The following FYB1 variants were observed in gnomAD, a reference collection of about 807,000 sequenced individuals.
FYB1 encodes the protein FYN binding protein 1.
Under a neutral mutation model 94.1 loss-of-function variants are expected in FYB1, and 41 were observed. The ratio of observed to expected loss-of-function variants is 0.44; its 90% CI spans 0.34 to 0.57. The LOEUF (loss-of-function observed/expected upper bound fraction) is 0.57, where lower values mean the gene tolerates loss of function less well. FYB1 is among the 20% of genes least tolerant of loss of function. The pLI, the probability that FYB1 is intolerant of heterozygous loss-of-function variation, is 0.02. For missense variants in FYB1, 1,050 were observed against 976.8 expected (o/e 1.07, Z -1.00); for synonymous variants, 367 against 353.2 (o/e 1.04, Z -0.44).
chr5:39,204,464 C>T (rs1345133185), intron 1 of FYB1, among the ~76,000 whole-genome samples: 1 of 152,110 alleles, frequency 6.6e-6, no homozygotes, highest in African/African-American at 2.4e-5. Flanking sequence ...GTCTGGTGTA[C>T]AATATGGGTT....
intron 1 of FYB1, chr5:39,209,087 T>C (rs1749122450): frequency 6.6e-6 from 1 of 151,896 alleles, no homozygotes; most frequent in Admixed American, 6.6e-5. Flanking sequence ...TTAAAGAGAC[T>C]TGATCTGTTG....
chr5:39,131,983 A>G lies in FYB1; in HGVS notation c.1818-1371T>C, dbSNP rs576869003. Among the ~76,000 whole-genome samples the G allele has an allele frequency of 3.9e-5, 6 of 152,344 alleles. No homozygotes were observed. The East Asian group carries it at 1.2e-3, about 29-fold the overall frequency. On this transcript the variant is annotated intron_variant, in intron 9 of 18. Transcript: ENST00000512982. ...ATGTGACAGGAGACGAGAGGGAGAG[A>G]GAGAGATACATGGAAGGAAGAAGGT...
chr5:39,231,895 G>A (rs1579746414), intron 1 of FYB1, among the ~76,000 whole-genome samples: 1 of 152,018 alleles, frequency 6.6e-6, no homozygotes, highest in Non-Finnish European at 1.5e-5. Context: ...CTTTGAAGGG[G>A]TTTCTAGGTA....
At chr5:39,211,360 G>A (rs1451265380) in intron 1 of FYB1, among the ~76,000 whole-genome samples, 1 of 138,704 alleles carries the variant, frequency 7.2e-6, no homozygotes. Flanking sequence ...TCGCTCTGTC[G>A]CCCAGGCTGC....
Position 39,178,984 on chromosome 5 carries a change from A to G in FYB1, c.1135+22842T>C, listed in dbSNP as rs78926398. Among the ~76,000 whole-genome samples the G allele has an allele frequency of 1.5e-3, 225 of 152,336 alleles. 1 individual carries two copies. Among genetic ancestry groups the G allele is most frequent in the East Asian group, 0.014 (73 of 5,186 alleles). ...CGCGGGCTGGGGCACAGAAGAGTCC[A>G]TACGTAGTTTTGCATGTAAATGTCG... On this transcript the variant is annotated intron_variant, in intron 2 of 18. Coordinates refer to ENST00000512982, the MANE Select transcript of FYB1 (RefSeq NM_001465.6).
At chr5:39,115,861 A>C (rs1057269578) in intron 16 of FYB1, among the ~76,000 whole-genome samples, 1 of 152,162 alleles carries the variant, frequency 6.6e-6, no homozygotes. Flanking sequence ...TCTCCCTTAC[A>C]CCCGCATCCT....
chr5:39,141,593 C>A lies in FYB1; in HGVS notation c.1293-452G>T, dbSNP rs188991320. On this transcript the variant is annotated intron_variant, in intron 3 of 18. Transcript: ENST00000512982. The stretch of plus-strand genomic sequence containing the variant: ...TCACTTGAAGTCAGGAGTTCCAGAC[C>A]AGCCTGGGCAACAGGGCAAAACACC... Among the ~76,000 whole-genome samples, 182 of 152,240 alleles carry A rather than the reference C, an allele frequency of 1.2e-3. 6 individuals carry two copies. Among genetic ancestry groups the A allele is most frequent in the Admixed American group, 0.011 (165 of 15,294 alleles).
chr5:39,229,544 A>G (rs1390720072), intron 1 of FYB1, among the ~76,000 whole-genome samples: 1 of 152,146 alleles, frequency 6.6e-6, no homozygotes, highest in African/African-American at 2.4e-5. Context: ...CACTTTTGAC[A>G]TTTATGTCTG....
At chr5:39,177,995 C>G (rs1484280626) in intron 2 of FYB1, among the ~76,000 whole-genome samples, 1 of 152,190 alleles carries the variant, frequency 6.6e-6, no homozygotes, top group African/African-American at 2.4e-5. Flanking sequence ...TTCCTGCAAA[C>G]ACAAAATATT....
Position 39,231,047 on chromosome 5 carries a change from G to A in FYB1, c.-27-28060C>T, listed in dbSNP as rs539050738. On this transcript the variant is annotated intron_variant, in intron 1 of 1. Coordinates refer to the FYB1 transcript ENST00000510188. ...TGATATTAATATTGATTAGAACAAGGAGGAAGAAATAAAGATAATGAGCAG... is the reference window on the plus strand; with the variant it reads ...TGATATTAATATTGATTAGAACAAGAAGGAAGAAATAAAGATAATGAGCAG... Among the ~76,000 whole-genome samples the A allele has an allele frequency of 1.9e-4, 28 of 149,268 alleles. 1 individual carries two copies. In the South Asian group the frequency reaches 5.5e-3, roughly 30 times the overall value.
chr5:39,248,405 G>A (rs776802357), intron 1 of FYB1, among the ~76,000 whole-genome samples: 1 of 152,132 alleles, frequency 6.6e-6, no homozygotes, highest in Non-Finnish European at 1.5e-5. Context: ...GCTTGACTGG[G>A]ACAACAGGCT....
chr5:39,268,278 A>T (rs1278895009), intron 1 of FYB1, among the ~76,000 whole-genome samples: 1 of 141,714 alleles, frequency 7.1e-6, no homozygotes, highest in Non-Finnish European at 1.5e-5. Context: ...CCTGGGTTGG[A>T]GTGTGGTGAC....
At chr5:39,269,540 T>A (rs925375709) in intron 1 of FYB1, 5 of 152,552 alleles carry the variant, frequency 3.3e-5, no homozygotes, top group Admixed American at 2.6e-4. Context: ...ACGCTATCAC[T>A]CTTCCTTCTT....
In FYB1 at chr5:39,144,295, A is replaced by G. The variant is rs1580376346; in HGVS notation, c.1293-3154T>C. The stretch of plus-strand genomic sequence containing the variant: ...TTCCCGATAAAAGAATACACCAAAA[A>G]ATAAAAGAACTACATTTGATCCAGC... On this transcript the variant is annotated intron_variant, in intron 3 of 18. Coordinates refer to ENST00000512982, the MANE Select transcript of FYB1 (RefSeq NM_001465.6). Among the ~76,000 whole-genome samples the G allele has an allele frequency of 2.0e-5, 3 of 152,144 alleles. No homozygotes were observed. The South Asian group carries it at 6.2e-4, about 31-fold the overall frequency.
intron 1 of FYB1, among the ~76,000 whole-genome samples, chr5:39,231,163 A>AAAAAAAAAAAAAAAAC (rs1561294075): frequency 8.4e-6 from 1 of 118,958 alleles, no homozygotes; most frequent in Admixed American, 7.9e-5. Context: ...AAAAAAAAAC[A>AAAAAAAAAAAAAAAAC]AAAAAAAACA....
At chr5:39,266,200 A>ATAT (rs1197065048) in intron 1 of FYB1, among the ~76,000 whole-genome samples, 1 of 152,208 alleles carries the variant, frequency 6.6e-6, no homozygotes, top group African/African-American at 2.4e-5. Context: ...CCACAGGGGC[A>ATAT]GATAAAGTAG....
intron 12 of FYB1, 45 bp from the exon 13 acceptor site, chr5:39,124,323 C>T: frequency 7.1e-7 from 1 of 1,403,240 alleles, no homozygotes; most frequent in Non-Finnish European, 9.6e-7. Flanking sequence ...CTAACATGAA[C>T]ACAGAAATTG....
intron 2 of FYB1, among the ~76,000 whole-genome samples, chr5:39,154,695 C>T (rs913635130): frequency 6.6e-6 from 1 of 151,772 alleles, no homozygotes; most frequent in Non-Finnish European, 1.5e-5. Context: ...TTATTGGAGA[C>T]GGGGTTTCTC....
intron 4 of FYB1, among the ~76,000 whole-genome samples, chr5:39,140,540 A>T (rs1164505539): frequency 1.3e-5 from 2 of 152,226 alleles, no homozygotes; most frequent in Non-Finnish European, 2.9e-5. Flanking sequence ...CGGTCAACCT[A>T]AGTATTCCAC....
Sources: allele counts gnomAD v4.1 joint callset (sites outside exome capture counted in the v4.1 genomes callset), GRCh38; gene constraint gnomAD v4.1.1; transcripts MANE v1.5; gene names NCBI Gene and HGNC (gene_info 2026-07-23, HGNC 2026-07-21).